The following THSD4 variants were observed in gnomAD, a reference collection of about 807,000 sequenced individuals.
THSD4 encodes thrombospondin type-1 domain-containing protein 4.
In THSD4, 69 loss-of-function variants were observed where a neutral mutation model predicts 119.0. The observed-to-expected ratio is 0.58, with a 90% confidence interval of 0.48 to 0.71. THSD4 has a LOEUF of 0.71. Among genes scored for constraint, THSD4 ranks in the 30% least tolerant of loss-of-function variants. The pLI is 0.00. For missense variants in THSD4, 1,393 were observed against 1,391.1 expected (o/e 1.00, Z -0.02); for synonymous variants, 524 against 540.4 (o/e 0.97, Z 0.42).
intron 6 of THSD4, among the ~76,000 whole-genome samples, chr15:71,293,166 C>T (rs145829234): frequency 1.8e-4 from 27 of 152,274 alleles, no homozygotes; most frequent in South Asian, 8.3e-4. Context: ...TGCCCTGTGC[C>T]GTGCAGCTCA....
chr15:71,746,011 G>A (rs572073027), intron 12 of THSD4, among the ~76,000 whole-genome samples: 1 of 152,306 alleles, frequency 6.6e-6, no homozygotes, highest in Admixed American at 6.5e-5. Flanking sequence ...CCCTAAAAGG[G>A]TCAAAACCTA....
At chr15:71,597,887 G>T (rs145970233) in intron 7 of THSD4, among the ~76,000 whole-genome samples, 2 of 152,266 alleles carry the variant, frequency 1.3e-5, no homozygotes, top group Admixed American at 6.5e-5. Context: ...AGTGAGTTCA[G>T]ACGCTCCCTG....
At chr15:71,226,738 C>G (rs1267245240) in intron 4 of THSD4, among the ~76,000 whole-genome samples, 1 of 152,216 alleles carries the variant, frequency 6.6e-6, no homozygotes, top group Non-Finnish European at 1.5e-5. Flanking sequence ...CCCAGGGAGT[C>G]TTGTTACCTA....
intron 7 of THSD4, among the ~76,000 whole-genome samples, chr15:71,460,078 T>G (rs753261102): frequency 6.6e-6 from 1 of 152,122 alleles, no homozygotes; most frequent in Non-Finnish European, 1.5e-5. Context: ...TTCATGTTTC[T>G]CTGGAGCTGT....
intron 6 of THSD4, among the ~76,000 whole-genome samples, chr15:71,260,710 G>A (rs1029681716): frequency 1.3e-5 from 2 of 152,118 alleles, no homozygotes; most frequent in African/African-American, 2.4e-5. Flanking sequence ...TCGGGCAGGC[G>A]AGAAGGCTTA....
chr15:71,209,627 A>G (rs1243087054), intron 3 of THSD4, among the ~76,000 whole-genome samples: 4 of 151,966 alleles, frequency 2.6e-5, no homozygotes, highest in African/African-American at 4.8e-5. Flanking sequence ...ATAATGGAAG[A>G]TCTCTTTTGT....
At chr15:71,574,254 T>G (rs930050905) in intron 7 of THSD4, among the ~76,000 whole-genome samples, 6 of 152,194 alleles carry the variant, frequency 3.9e-5, no homozygotes, top group Non-Finnish European at 7.3e-5. Context: ...TGTGTGTCAA[T>G]GCAATGGCAA....
In THSD4 at chr15:71,660,510, T is replaced by C; in HGVS notation, c.1153-20T>C. The C allele has an allele frequency of 6.2e-7, 1 of 1,613,940 alleles. No individual in the cohort carries two copies. Among genetic ancestry groups the C allele is most frequent in the East Asian group, 2.2e-5 (1 of 44,874 alleles). On this transcript the variant is annotated intron_variant, in intron 7 of 17. Coordinates refer to ENST00000261862, the MANE Select transcript of THSD4 (RefSeq NM_024817.3). ...CTCCTGATACATACTATGAGTCTTT[T>C]GTTTTCTGTCTTTTTGCAGAGCATT...
chr15:71,748,326 T>A lies in THSD4; in HGVS notation c.2242-95T>A, dbSNP rs1233844289. 2.0e-6 allele frequency: 3 copies of A among 1,476,924 alleles called. No individual in the cohort carries two copies. The African/African-American group carries it at 4.2e-5, about 20-fold the overall frequency. 91.5% of individuals were successfully genotyped at this position (1,476,924 alleles called of 1,614,324 possible). On this transcript the variant is annotated intron_variant, in intron 13 of 17. Coordinates refer to ENST00000261862, the MANE Select transcript of THSD4 (RefSeq NM_024817.3). The stretch of plus-strand genomic sequence containing the variant: ...CATGCATGACAGAGCCTCAGTCTCA[T>A]GGGGCTGATCACAAAGGCTGCGGGC...
chr15:71,535,431 A>G (rs1040704425), intron 7 of THSD4, among the ~76,000 whole-genome samples: 12 of 152,230 alleles, frequency 7.9e-5, no homozygotes, highest in African/African-American at 2.7e-4. Flanking sequence ...GCTATCATGA[A>G]TAATGCTGCT....
intron 6 of THSD4, among the ~76,000 whole-genome samples, chr15:71,288,267 T>A (rs1001741911): frequency 6.6e-6 from 1 of 152,212 alleles, no homozygotes; most frequent in Non-Finnish European, 1.5e-5. Flanking sequence ...TTTTGATCCA[T>A]TTTTGAAAGA....
intron 3 of THSD4, 149 bp from the exon 4 acceptor site, chr15:71,214,886 A>G (rs2043917481): frequency 1.7e-5 from 20 of 1,180,694 alleles, no homozygotes; most frequent in Non-Finnish European, 2.0e-5. Context: ...CCAAAAACCG[A>G]CTCTAAGCCA....
upstream of THSD4, chr15:71,112,332 TA>T: frequency 8.7e-7 from 1 of 1,146,818 alleles, no homozygotes; most frequent in Non-Finnish European, 1.2e-6. Flanking sequence ...TATTAATAAT[TA>T]ATTAATAATT....
Position 71,589,722 on chromosome 15 carries a change from T to G in THSD4, c.1153-70808T>G, listed in dbSNP as rs147210592. ...GAAAAATACTACCCAGAAAATCCCT[T>G]GTACATGTGTGCACAGAGACGAGTA... is the stretch of plus-strand genomic sequence containing the variant. On this transcript the variant is annotated intron_variant, in intron 7 of 17. Transcript: ENST00000261862. Among the ~76,000 whole-genome samples, 982 of 139,618 alleles carry G rather than the reference T, an allele frequency of 7.0e-3. 205 individuals carry two copies. Among genetic ancestry groups the G allele is most frequent in the Middle Eastern group, 0.03 (8 of 268 alleles). The allele number at this position is 139,618 out of a possible 152,430, so 91.6% of individuals were successfully genotyped here.
At chr15:71,394,627 G>C (rs2046422168) in intron 6 of THSD4, among the ~76,000 whole-genome samples, 2 of 152,136 alleles carry the variant, frequency 1.3e-5, no homozygotes, top group African/African-American at 2.4e-5. Flanking sequence ...TGGTGCTACT[G>C]CTTGGGATGT....
intron 7 of THSD4, among the ~76,000 whole-genome samples, chr15:71,652,449 C>T (rs1044865930): frequency 2.0e-5 from 3 of 152,162 alleles, no homozygotes; most frequent in Non-Finnish European, 2.9e-5. Context: ...TTATCACTGT[C>T]AAAAGCTATT....
At chr15:71,737,154 C>T (rs1017753309) in intron 10 of THSD4, among the ~76,000 whole-genome samples, 1 of 152,164 alleles carries the variant, frequency 6.6e-6, no homozygotes, top group Non-Finnish European at 1.5e-5. Flanking sequence ...AGTAACCATA[C>T]CTGTATATTC....
Position 71,780,458 on chromosome 15 carries a change from C to T in THSD4, c.*3084C>T. 4.0e-6 allele frequency: 1 copy of T among 248,694 alleles called. No individual in the cohort carries two copies. Among genetic ancestry groups the T allele is most frequent in the Non-Finnish European group, 8.4e-6 (1 of 118,932 alleles). The allele number at this position is 248,694 out of a possible 1,614,324, so 15.4% of individuals were successfully genotyped here. A position where few individuals can be genotyped will look rare whatever the true frequency, so the allele number is the denominator to read the frequency against. On this transcript the variant is annotated 3_prime_UTR_variant, in exon 18 of 18. Transcript: ENST00000261862. ...CATTTAGTACTATCGATTCTTTCCA[C>T]CCTCACGATGACTTGCGGTTCTCTC...
chr15:71,610,583 G>A (rs2050204810), intron 7 of THSD4, among the ~76,000 whole-genome samples: 2 of 152,136 alleles, frequency 1.3e-5, no homozygotes, highest in African/African-American at 4.8e-5. Context: ...GTGGTGACAG[G>A]GATACAGGCA....
Sources: gnomAD v4.1 joint callset for allele counts (sites outside exome capture counted in the v4.1 genomes callset) on GRCh38, gnomAD v4.1.1 for gene constraint, MANE v1.5 for transcripts, NCBI Gene and HGNC (gene_info 2026-07-23, HGNC 2026-07-21) for gene names.